The following MTHFD2L variants were observed in gnomAD, a reference collection of about 807,000 sequenced individuals.
MTHFD2L encodes methylenetetrahydrofolate dehydrogenase (NADP+ dependent) 2 like.
A neutral mutation model predicts 34.9 loss-of-function variants in MTHFD2L; 29 were observed. The observed-to-expected ratio is 0.83, with a 90% CI of 0.62 to 1.13. MTHFD2L has a LOEUF of 1.13. MTHFD2L is among the 50% of genes most tolerant of loss of function. MTHFD2L has a pLI of 0.00. For missense variants in MTHFD2L, 481 were observed against 446.5 expected, an observed-to-expected ratio of 1.08 and a Z score of -0.70; for synonymous variants, 167 against 155.7, an observed-to-expected ratio of 1.07 and a Z score of -0.54.
At chr4:74,225,913 C>T (rs1739080795) in intron 6 of MTHFD2L, among the ~76,000 whole-genome samples, 1 of 151,652 alleles carries the variant, frequency 6.6e-6, no homozygotes, top group African/African-American at 2.4e-5. Flanking sequence ...AAGAATCTTT[C>T]CAAAAAAGAT....
intron 1 of MTHFD2L, among the ~76,000 whole-genome samples, chr4:74,127,116 C>T (rs1308732415): frequency 6.6e-6 from 1 of 152,118 alleles, no homozygotes. Flanking sequence ...CCCGGCCCTG[C>T]CGAACTGTGA....
chr4:74,174,724 A>G, intron 2 of MTHFD2L, 34 bp downstream of exon 2: 2 of 1,318,462 alleles, frequency 1.5e-6, no homozygotes, highest in South Asian at 2.4e-5. Context: ...TTACTACTAA[A>G]TATGTTTTCT....
chr4:74,166,277 C>T (rs983275387), intron 1 of MTHFD2L, among the ~76,000 whole-genome samples: 2 of 152,190 alleles, frequency 1.3e-5, no homozygotes, highest in Non-Finnish European at 2.9e-5. Context: ...TGGTTATTGC[C>T]AGCAGTCCTT....
chr4:74,142,261 T>C (rs966270709), intron 1 of MTHFD2L, among the ~76,000 whole-genome samples: 2 of 152,242 alleles, frequency 1.3e-5, no homozygotes, highest in Admixed American at 6.5e-5. Flanking sequence ...TGTTATGAGC[T>C]GAATATTTGT....
At chr4:74,169,909 C>T (rs925739694) in intron 1 of MTHFD2L, among the ~76,000 whole-genome samples, 3 of 152,126 alleles carry the variant, frequency 2.0e-5, no homozygotes, top group African/African-American at 7.2e-5. Context: ...AGGTACAAAG[C>T]ACAAGCTACA....
chr4:74,145,423 G>T (rs1723537535), intron 1 of MTHFD2L, among the ~76,000 whole-genome samples: 1 of 152,020 alleles, frequency 6.6e-6, no homozygotes, highest in African/African-American at 2.4e-5. Flanking sequence ...CTTGAGATTT[G>T]GTATCTGTCG....
chr4:74,163,976 T>C (rs781585416), intron 1 of MTHFD2L, among the ~76,000 whole-genome samples: 17 of 152,248 alleles, frequency 1.1e-4, no homozygotes, highest in South Asian at 4.1e-4. Flanking sequence ...CCCGGGTTCA[T>C]GCCATTCTCC....
At chr4:74,124,169 A>T (rs1721912625), upstream of MTHFD2L, among the ~76,000 whole-genome samples, 1 of 151,980 alleles carries the variant, frequency 6.6e-6, no homozygotes, top group Non-Finnish European at 1.5e-5. Context: ...TGCTTTGAAG[A>T]GTTTTGATGG....
intron 1 of MTHFD2L, among the ~76,000 whole-genome samples, chr4:74,127,444 T>C (rs1452652834): frequency 6.6e-6 from 1 of 152,162 alleles, no homozygotes; most frequent in Non-Finnish European, 1.5e-5. Context: ...CAATCTACTC[T>C]CTATCTTCAT....
intron 5 of MTHFD2L, among the ~76,000 whole-genome samples, chr4:74,223,072 C>T (rs1372610775): frequency 6.6e-6 from 1 of 152,042 alleles, no homozygotes. Flanking sequence ...ACCCAGCAAT[C>T]CCATTACTGG....
chr4:74,291,231 G>A (rs752111003), intron 7 of MTHFD2L, among the ~76,000 whole-genome samples: 76 of 151,226 alleles, frequency 5.0e-4, no homozygotes, highest in Non-Finnish European at 9.4e-4. Flanking sequence ...TGACCAGGAT[G>A]GTCTTGATCT....
At chr4:74,221,874 T>C (rs114570106) in intron 5 of MTHFD2L, among the ~76,000 whole-genome samples, 1,946 of 151,912 alleles carry the variant, frequency 0.013, 47 homozygotes, top group African/African-American at 0.045. Flanking sequence ...AATTACAACA[T>C]TATATAGTAC....
At chr4:74,206,207 G>A (rs867991033) in intron 5 of MTHFD2L, among the ~76,000 whole-genome samples, 7 of 152,078 alleles carry the variant, frequency 4.6e-5, no homozygotes, top group African/African-American at 7.2e-5. Flanking sequence ...GGGTGGTGGT[G>A]GAAGGCAGAG....
intron 1 of MTHFD2L, among the ~76,000 whole-genome samples, chr4:74,174,199 A>T (rs532556751): frequency 3.5e-4 from 53 of 152,260 alleles, no homozygotes; most frequent in Non-Finnish European, 6.5e-4. Context: ...ATCACCACCC[A>T]AAGGACCTAC....
At chr4:74,281,986 A>G (rs1391473299) in intron 7 of MTHFD2L, among the ~76,000 whole-genome samples, 2 of 152,068 alleles carry the variant, frequency 1.3e-5, no homozygotes, top group African/African-American at 4.8e-5. Flanking sequence ...CCCTAACTAC[A>G]TTTCAGATCT....
chr4:74,210,298 T>C (rs1447552295), intron 5 of MTHFD2L, among the ~76,000 whole-genome samples: 1 of 152,248 alleles, frequency 6.6e-6, no homozygotes, highest in African/African-American at 2.4e-5. Flanking sequence ...GCCTAGGTTT[T>C]CTTCTATGGC....
At chr4:74,276,044 T>C (rs1746604843) in intron 6 of MTHFD2L, among the ~76,000 whole-genome samples, 1 of 152,174 alleles carries the variant, frequency 6.6e-6, no homozygotes, top group African/African-American at 2.4e-5. Flanking sequence ...TGAGTGGTAT[T>C]GCAAAGCAAG....
intron 1 of MTHFD2L, among the ~76,000 whole-genome samples, chr4:74,133,883 A>G: frequency 6.6e-6 from 1 of 152,114 alleles, no homozygotes; most frequent in Non-Finnish European, 1.5e-5. Context: ...CAGCAGCAAG[A>G]TCTTCACCAG....
intron 3 of MTHFD2L, among the ~76,000 whole-genome samples, chr4:74,192,615 A>G (rs1286017513): frequency 1.3e-5 from 2 of 152,116 alleles, no homozygotes; most frequent in African/African-American, 2.4e-5. Flanking sequence ...ATTTTTGTCA[A>G]CTGAGTTTCT....
Sources: gnomAD v4.1 joint callset for allele counts (sites outside exome capture counted in the v4.1 genomes callset) on GRCh38, gnomAD v4.1.1 for gene constraint, MANE v1.5 for transcripts, NCBI Gene and HGNC (gene_info 2026-07-23, HGNC 2026-07-21) for gene names.